RGS6: variants seen among roughly 807,000 people sequenced by gnomAD.
The protein encoded by RGS6 is regulator of G-protein signaling 6.
RGS6 carries 30 observed loss-of-function variants against 78.5 expected under a neutral mutation model. That is an observed-to-expected ratio of 0.38 (90% CI 0.29 to 0.52). RGS6 has a LOEUF of 0.52. Among genes scored for constraint, RGS6 ranks in the 20% least tolerant of loss-of-function variants. RGS6 has a pLI of 0.85. For missense variants in RGS6, 495 were observed against 609.7 expected, an observed-to-expected ratio of 0.81 and a Z score of 1.98; for synonymous variants, 206 against 206.0, an observed-to-expected ratio of 1.00 and a Z score of 0.00.
At chr14:72,104,114 C>T (rs1445173834) in intron 2 of RGS6, among the ~76,000 whole-genome samples, 4 of 152,034 alleles carry the variant, frequency 2.6e-5, no homozygotes, top group Non-Finnish European at 5.9e-5. Flanking sequence ...ACAACGGTGA[C>T]TTTTCAGGCC....
chr14:72,044,570 A>G (rs1158055437), intron 2 of RGS6, among the ~76,000 whole-genome samples: 1 of 152,042 alleles, frequency 6.6e-6, no homozygotes, highest in Non-Finnish European at 1.5e-5. Context: ...GATCTTGAAC[A>G]TCAGAACTCC....
chr14:72,203,336 G>C (rs1048814123), intron 2 of RGS6, among the ~76,000 whole-genome samples: 3 of 152,204 alleles, frequency 2.0e-5, no homozygotes, highest in African/African-American at 7.2e-5. Context: ...GCAAAATTGA[G>C]TTTAAATCCC....
intron 2 of RGS6, among the ~76,000 whole-genome samples, chr14:72,332,762 G>A (rs1167535935): frequency 5.9e-5 from 9 of 152,234 alleles, no homozygotes; most frequent in Admixed American, 2.0e-4. Context: ...GCTGTGGCAA[G>A]AGATGGAGGC....
intron 12 of RGS6, among the ~76,000 whole-genome samples, chr14:72,484,235 T>A (rs2096444058): frequency 6.6e-6 from 1 of 152,276 alleles, no homozygotes; most frequent in Non-Finnish European, 1.5e-5. Context: ...GCATTTGTAC[T>A]GTATTTCTAA....
At chr14:71,979,358 G>T (rs1309471228) in intron 2 of RGS6, among the ~76,000 whole-genome samples, 1 of 146,236 alleles carries the variant, frequency 6.8e-6, no homozygotes, top group Non-Finnish European at 1.5e-5. Context: ...GTGATGTTAG[G>T]GTGTCAATTT....
the RGS6 span, among the ~76,000 whole-genome samples, chr14:72,597,179 C>T: frequency 2.0e-5 from 3 of 151,572 alleles, no homozygotes; most frequent in African/African-American, 7.3e-5. Context: ...GTGGAGGTTG[C>T]AGTGAGCCAA....
intron 2 of RGS6, among the ~76,000 whole-genome samples, chr14:72,321,330 A>G (rs188199436): frequency 1.3e-5 from 2 of 152,020 alleles, no homozygotes; most frequent in Non-Finnish European, 2.9e-5. Context: ...ACAGAAATCA[A>G]AATACTATAA....
rs188186489 is a variant in RGS6, at chr14:72,547,426, C to T, written c.1422+7332C>T. 3.8e-6 allele frequency: 4 copies of T among 1,051,152 alleles called. No homozygotes were observed. The East Asian group carries it at 1.1e-4, about 29-fold the overall frequency. The allele number at this position is 1,051,152 out of a possible 1,614,324, so 65.1% of individuals were successfully genotyped here. A position where few individuals can be genotyped will look rare whatever the true frequency, so the allele number is the denominator to read the frequency against. On this transcript the variant is annotated intron_variant, in intron 17 of 17. Transcript: ENST00000553525. The stretch of plus-strand genomic sequence containing the variant: ...CAAAATGAGCTCCTGGTGGAAACAA[C>T]AGGGGATGCTTCCCCCTTTTAAAAT...
chr14:72,609,993 T>C, the RGS6 span, among the ~76,000 whole-genome samples: 14 of 152,210 alleles, frequency 9.2e-5, no homozygotes, highest in African/African-American at 3.1e-4. Flanking sequence ...CCCTCTTTCA[T>C]AGGCATTTCT....
At chr14:72,049,098 C>G (rs545764778) in intron 2 of RGS6, among the ~76,000 whole-genome samples, 1 of 152,108 alleles carries the variant, frequency 6.6e-6, no homozygotes, top group Non-Finnish European at 1.5e-5. Context: ...AAAAGTATAA[C>G]AGTGAAAAAA....
chr14:72,142,445 C>T (rs1022074407), intron 2 of RGS6, among the ~76,000 whole-genome samples: 5 of 152,162 alleles, frequency 3.3e-5, no homozygotes, highest in African/African-American at 1.2e-4. Context: ...CCCTTCTCTG[C>T]GTCATTGCTT....
intron 2 of RGS6, among the ~76,000 whole-genome samples, chr14:72,293,583 T>G (rs533076596): frequency 6.6e-6 from 1 of 152,200 alleles, no homozygotes; most frequent in African/African-American, 2.4e-5. Context: ...ATCCATAGGA[T>G]CCATATATTC....
chr14:72,461,121 C>T lies in RGS6; in HGVS notation c.394+1438C>T, dbSNP rs374506033. On this transcript the variant is annotated intron_variant, in intron 6 of 17. Transcript: ENST00000553525. Reference sequence around the variant, plus strand: ...ACTGCAAGTGAGAGCTGCATTTGACCGCTCATAAAACTAGTGCTTCTGGGG... The same window carrying T: ...ACTGCAAGTGAGAGCTGCATTTGACTGCTCATAAAACTAGTGCTTCTGGGG... Among the ~76,000 whole-genome samples the T allele has an allele frequency of 5.0e-4, 76 of 152,266 alleles. 1 individual carries two copies. Among genetic ancestry groups the T allele is most frequent in the East Asian group, 1.2e-3 (6 of 5,164 alleles).
chr14:72,034,694 T>G (rs1230964188), intron 2 of RGS6, among the ~76,000 whole-genome samples: 1 of 152,196 alleles, frequency 6.6e-6, no homozygotes, highest in African/African-American at 2.4e-5. Context: ...TTTGAAAATT[T>G]TCCATCTTTT....
chr14:72,193,232 G>C (rs1334574775), intron 2 of RGS6, among the ~76,000 whole-genome samples: 1 of 152,174 alleles, frequency 6.6e-6, no homozygotes, highest in African/African-American at 2.4e-5. Context: ...GACCTCAGGT[G>C]ATCCACCTGC....
At chr14:72,165,942 A>T (rs762663210) in intron 2 of RGS6, among the ~76,000 whole-genome samples, 4 of 152,254 alleles carry the variant, frequency 2.6e-5, no homozygotes, top group Non-Finnish European at 5.9e-5. Context: ...ACCTTTGTAT[A>T]AAGTACTCAT....
the RGS6 span, among the ~76,000 whole-genome samples, chr14:71,893,924 C>T: frequency 6.6e-6 from 1 of 152,106 alleles, no homozygotes; most frequent in East Asian, 1.9e-4. Context: ...GAGTTGTGAT[C>T]TGAGTAGTAA....
At chr14:72,237,798 G>A (rs542209266) in intron 2 of RGS6, among the ~76,000 whole-genome samples, 12 of 152,254 alleles carry the variant, frequency 7.9e-5, no homozygotes, top group East Asian at 1.9e-4. Flanking sequence ...AATGAACCCC[G>A]TACTGGTACT....
intron 10 of RGS6, 22 bp from the exon 11 acceptor site, chr14:72,476,720 C>G (rs748819051): frequency 1.2e-6 from 2 of 1,609,788 alleles, no homozygotes; most frequent in African/African-American, 2.7e-5. Context: ...GGATGATCCT[C>G]TGTGCTTGCT....
Sources: gnomAD v4.1 joint callset for allele counts (sites outside exome capture counted in the v4.1 genomes callset) on GRCh38, gnomAD v4.1.1 for gene constraint, MANE v1.5 for transcripts, NCBI Gene and HGNC (gene_info 2026-07-23, HGNC 2026-07-21) for gene names.